Variants in FER observed in about 807,000 individuals in gnomAD.
FER encodes the protein FER tyrosine kinase.
In FER, 63 loss-of-function variants were observed where a neutral mutation model predicts 111.0. The ratio of observed to expected loss-of-function variants is 0.57; its 90% CI spans 0.46 to 0.70. FER has a LOEUF of 0.70. Among genes scored for constraint, FER ranks in the 30% least tolerant of loss-of-function variants. The pLI is 0.00. For synonymous variants in FER, 327 were observed against 313.9 expected (o/e 1.04, Z -0.44); for missense variants, 914 against 954.0 (o/e 0.96, Z 0.55).
rs557552319 is a variant in FER at position 109,000,923 on chromosome 5, G to C, written c.1657-36499G>C. Among the ~76,000 whole-genome samples the C allele has an allele frequency of 5.9e-3, 895 of 152,094 alleles. 5 individuals carry two copies. The highest frequency in any genetic ancestry group is 0.021 in the African/African-American group (858 of 41,500). On this transcript the variant is annotated intron_variant, in intron 13 of 19. Coordinates refer to ENST00000281092, the MANE Select transcript of FER (RefSeq NM_005246.4). The stretch of plus-strand genomic sequence containing the variant: ...ATCTAGAAGAAATGGATAAATTCCT[G>C]GACACATACACTCTCCCAAGACTAA...
intron 13 of FER, among the ~76,000 whole-genome samples, chr5:108,978,579 T>C (rs919310023): frequency 3.9e-5 from 6 of 152,206 alleles, no homozygotes; most frequent in Non-Finnish European, 1.5e-5. Context: ...TGAAATTATT[T>C]TTTAAAAATA....
intron 16 of FER, among the ~76,000 whole-genome samples, chr5:109,097,219 T>C (rs1747649022): frequency 6.6e-6 from 1 of 151,894 alleles, no homozygotes; most frequent in Non-Finnish European, 1.5e-5. Flanking sequence ...TGTCCATGTC[T>C]TTTCACCAAG....
At chr5:109,096,226 C>T (rs1747495701) in intron 16 of FER, among the ~76,000 whole-genome samples, 1 of 151,910 alleles carries the variant, frequency 6.6e-6, no homozygotes, top group Non-Finnish European at 1.5e-5. Context: ...AGCCACCTAT[C>T]ATCTCATTAA....
chr5:109,130,331 C>A (rs374945324), intron 17 of FER, among the ~76,000 whole-genome samples: 1 of 152,032 alleles, frequency 6.6e-6, no homozygotes, highest in Non-Finnish European at 1.5e-5. Flanking sequence ...GAAGGCTTTT[C>A]TGTATTTTCC....
At chr5:108,862,972 G>A (rs189014503) in intron 5 of FER, among the ~76,000 whole-genome samples, 93 of 152,200 alleles carry the variant, frequency 6.1e-4, no homozygotes, top group Middle Eastern at 3.4e-3. Flanking sequence ...CAAAATATTG[G>A]TTCCTATATT....
At chr5:108,851,842 A>G (rs1485533946) in intron 5 of FER, among the ~76,000 whole-genome samples, 1 of 152,168 alleles carries the variant, frequency 6.6e-6, no homozygotes, top group Non-Finnish European at 1.5e-5. Flanking sequence ...CCATCATAGT[A>G]TTTATAAAGG....
intron 13 of FER, among the ~76,000 whole-genome samples, chr5:109,008,975 C>A (rs760858027): frequency 6.1e-4 from 90 of 147,416 alleles, no homozygotes; most frequent in Non-Finnish European, 1.1e-3. Context: ...CATCTCAAAA[C>A]AACAACAACA....
At chr5:109,157,442 T>G (rs1755522691) in intron 17 of FER, among the ~76,000 whole-genome samples, 3 of 152,148 alleles carry the variant, frequency 2.0e-5, no homozygotes, top group African/African-American at 7.2e-5. Context: ...AACCATTGTC[T>G]TCTTGTTGGA....
chr5:108,874,614 T>C lies in FER; in HGVS notation c.923+2402T>C, dbSNP rs1355384687. 5.9e-5 allele frequency among the ~76,000 whole-genome samples: 9 copies of C among 151,810 alleles called. No homozygotes were observed. In the East Asian group the frequency reaches 1.5e-3, roughly 26 times the overall value. ...AATATAAGACTTAGAAAAATCTTTC[T>C]TCCTTTTTTTTTTTAACTTAGTAGT... is the stretch of plus-strand genomic sequence containing the variant. On this transcript the variant is annotated intron_variant, in intron 8 of 19. Coordinates refer to ENST00000281092, the MANE Select transcript of FER (RefSeq NM_005246.4).
chr5:108,922,315 T>G (rs1290594278), intron 10 of FER, among the ~76,000 whole-genome samples: 1 of 152,214 alleles, frequency 6.6e-6, no homozygotes, highest in Non-Finnish European at 1.5e-5. Flanking sequence ...TCTGTTGTGA[T>G]TATTGTCTTT....
At chr5:108,951,888 C>T (rs1474805670) in intron 11 of FER, among the ~76,000 whole-genome samples, 4 of 152,032 alleles carry the variant, frequency 2.6e-5, no homozygotes, top group Non-Finnish European at 5.9e-5. Context: ...TGAGAATTAG[C>T]CTGGACCAGG....
intron 17 of FER, among the ~76,000 whole-genome samples, chr5:109,168,999 G>C (rs1756828319): frequency 6.6e-6 from 1 of 152,128 alleles, no homozygotes; most frequent in Admixed American, 6.6e-5. Context: ...GTTAGTAAAA[G>C]CAAATTTCAT....
intron 16 of FER, among the ~76,000 whole-genome samples, chr5:109,060,491 C>G (rs1261581239): frequency 6.6e-6 from 1 of 151,906 alleles, no homozygotes; most frequent in Non-Finnish European, 1.5e-5. Flanking sequence ...CAAGACGATC[C>G]AGGCCAACAT....
chr5:109,071,623 T>C (rs1172479428), intron 16 of FER, among the ~76,000 whole-genome samples: 2 of 151,996 alleles, frequency 1.3e-5, no homozygotes, highest in Non-Finnish European at 2.9e-5. Flanking sequence ...TATAACAGTA[T>C]ACAGTCTTAT....
chr5:108,835,995 C>T, intron 5 of FER, 188 bp downstream of exon 5: 1 of 344,756 alleles, frequency 2.9e-6, no homozygotes, highest in Non-Finnish European at 5.4e-6. Context: ...CTTTAAATGA[C>T]TCAAAGTATT....
chr5:109,102,035 A>G (rs1195628059), intron 17 of FER, among the ~76,000 whole-genome samples: 1 of 152,100 alleles, frequency 6.6e-6, no homozygotes, highest in Non-Finnish European at 1.5e-5. Context: ...TGAGAGGACC[A>G]TTGTTTCAAT....
intron 16 of FER, among the ~76,000 whole-genome samples, chr5:109,052,660 A>G (rs939087769): frequency 1.3e-5 from 2 of 152,240 alleles, no homozygotes; most frequent in East Asian, 3.9e-4. Flanking sequence ...AAAAGCTGCT[A>G]CTCTCTACTT....
chr5:108,867,712 T>C, intron 5 of FER, 55 bp from the exon 6 acceptor site: 1 of 1,507,880 alleles, frequency 6.6e-7, no homozygotes, highest in East Asian at 2.3e-5. Flanking sequence ...GTAGTGAAGA[T>C]ACAATTTTTT....
At chr5:108,782,208 T>C (rs1321636800) in intron 2 of FER, among the ~76,000 whole-genome samples, 2 of 152,224 alleles carry the variant, frequency 1.3e-5, no homozygotes, top group Admixed American at 1.3e-4. Context: ...TCATTTCTCT[T>C]ACTGATCCTA....
Sources: allele counts gnomAD v4.1 joint callset (sites outside exome capture counted in the v4.1 genomes callset), GRCh38; gene constraint gnomAD v4.1.1; transcripts MANE v1.5; gene names NCBI Gene and HGNC (gene_info 2026-07-23, HGNC 2026-07-21).